Variants in NPSR1 observed in about 807,000 individuals in gnomAD.
NPSR1 encodes neuropeptide S receptor.
NPSR1 carries 48 observed loss-of-function variants against 46.9 expected under a neutral mutation model. The ratio of observed to expected loss-of-function variants is 1.02; its 90% CI spans 0.81 to 1.30. NPSR1 has a LOEUF of 1.30. NPSR1 is among the 50% of genes most tolerant of loss of function. The pLI, the probability that NPSR1 is intolerant of heterozygous loss-of-function variation, is 0.00. For missense variants in NPSR1, 450 were observed against 449.5 expected, an observed-to-expected ratio of 1.00 and a Z score of -0.01; for synonymous variants, 176 against 168.1, an observed-to-expected ratio of 1.05 and a Z score of -0.36.
rs536647098 is a variant in NPSR1, at chr7:34,669,345, T to A, written c.147+10786T>A. 5.9e-5 allele frequency among the ~76,000 whole-genome samples: 9 copies of A among 152,158 alleles called. No individual in the cohort carries two copies. In the South Asian group the frequency reaches 1.9e-3, roughly 32 times the overall value. On this transcript the variant is annotated intron_variant, in intron 1 of 8. Coordinates refer to ENST00000360581, the MANE Select transcript of NPSR1 (RefSeq NM_207172.2). ...TGGGAGATCAAAGCGGGTGGATCATTTGAGGTCAGGAGTTTGAGACCAGCC... is the reference window on the plus strand; with the variant it reads ...TGGGAGATCAAAGCGGGTGGATCATATGAGGTCAGGAGTTTGAGACCAGCC...
intron 3 of NPSR1, among the ~76,000 whole-genome samples, chr7:34,789,969 T>C (rs1787654521): frequency 6.6e-6 from 1 of 152,008 alleles, no homozygotes; most frequent in Admixed American, 6.6e-5. Context: ...AATAGCAATC[T>C]TTCTCAAAGT....
intron 4 of NPSR1, among the ~76,000 whole-genome samples, chr7:34,822,586 T>C (rs1011783007): frequency 5.3e-5 from 8 of 152,210 alleles, no homozygotes; most frequent in African/African-American, 1.9e-4. Flanking sequence ...AAATGTAATA[T>C]AAAACTTTGA....
intron 8 of NPSR1, among the ~76,000 whole-genome samples, chr7:34,855,916 A>G (rs1398134924): frequency 6.6e-6 from 1 of 152,148 alleles, no homozygotes; most frequent in Non-Finnish European, 1.5e-5. Flanking sequence ...CAATATATAA[A>G]CTCAACAGAT....
chr7:34,767,059 T>C (rs1048584879), intron 2 of NPSR1, among the ~76,000 whole-genome samples: 1 of 152,194 alleles, frequency 6.6e-6, no homozygotes, highest in Non-Finnish European at 1.5e-5. Flanking sequence ...GTAGAACTGT[T>C]CTCTATCCCG....
intron 3 of NPSR1, among the ~76,000 whole-genome samples, chr7:34,792,823 G>A (rs898746899): frequency 6.8e-6 from 1 of 146,976 alleles, no homozygotes; most frequent in African/African-American, 2.5e-5. Context: ...TGTCAAGGCT[G>A]CAGTGAGCCA....
intron 2 of NPSR1, chr7:34,723,465 A>G (rs1415651543): frequency 6.6e-6 from 1 of 152,454 alleles, no homozygotes; most frequent in Admixed American, 6.6e-5. Context: ...AAGAATTTGA[A>G]CAAAGCATCC....
intron 3 of NPSR1, among the ~76,000 whole-genome samples, chr7:34,784,498 A>C (rs1433721171): frequency 6.6e-6 from 1 of 151,876 alleles, no homozygotes; most frequent in Non-Finnish European, 1.5e-5. Context: ...ATTGATTTGC[A>C]TATATTGAAC....
intron 2 of NPSR1, chr7:34,728,720 A>G (rs1784280241): frequency 6.5e-6 from 1 of 152,702 alleles, no homozygotes; most frequent in African/African-American, 2.4e-5. Context: ...CTTCAGACCC[A>G]TGATAGCTAT....
At chr7:34,665,133 G>A (rs537648814) in intron 1 of NPSR1, among the ~76,000 whole-genome samples, 13 of 152,278 alleles carry the variant, frequency 8.5e-5, no homozygotes, top group African/African-American at 3.1e-4. Flanking sequence ...AGAAAGAAAA[G>A]AAAGAGAATT....
intron 2 of NPSR1, among the ~76,000 whole-genome samples, chr7:34,709,140 A>C (rs903513282): frequency 2.0e-5 from 3 of 152,066 alleles, no homozygotes. Context: ...TCTGTTCAAA[A>C]CACTTTTGAG....
chr7:34,824,282 A>C (rs1424757779), intron 4 of NPSR1, among the ~76,000 whole-genome samples: 2 of 152,256 alleles, frequency 1.3e-5, no homozygotes, highest in Non-Finnish European at 2.9e-5. Flanking sequence ...AATGAGTTAC[A>C]TGGAAAAGAG....
At chr7:34,681,500 C>T (rs1410606832) in intron 1 of NPSR1, among the ~76,000 whole-genome samples, 1 of 152,152 alleles carries the variant, frequency 6.6e-6, no homozygotes, top group Non-Finnish European at 1.5e-5. Context: ...AGTTTCTTCT[C>T]CCACGTGGAT....
At chr7:34,780,566 G>C (rs1787185612) in intron 3 of NPSR1, among the ~76,000 whole-genome samples, 1 of 152,118 alleles carries the variant, frequency 6.6e-6, no homozygotes, top group African/African-American at 2.4e-5. Context: ...CAATTACTCA[G>C]GGAGCATTTA....
At chr7:34,759,284 G>A (rs1322344776) in intron 2 of NPSR1, among the ~76,000 whole-genome samples, 1 of 152,086 alleles carries the variant, frequency 6.6e-6, no homozygotes, top group Non-Finnish European at 1.5e-5. Context: ...GTTTCCAAAT[G>A]ATGATTTTCT....
At chr7:34,809,226 T>C (rs1451898996) in intron 3 of NPSR1, among the ~76,000 whole-genome samples, 2 of 152,150 alleles carry the variant, frequency 1.3e-5, no homozygotes, top group Admixed American at 6.5e-5. Flanking sequence ...TTTGTCTAAG[T>C]AGACGATCGA....
At chr7:34,722,851 T>C (rs570048896) in intron 2 of NPSR1, among the ~76,000 whole-genome samples, 2 of 152,140 alleles carry the variant, frequency 1.3e-5, no homozygotes, top group Non-Finnish European at 2.9e-5. Context: ...TGGGAGGAGT[T>C]GGCAAGGCCT....
chr7:34,658,792 T>A (rs561223248), intron 1 of NPSR1, among the ~76,000 whole-genome samples: 51 of 152,334 alleles, frequency 3.3e-4, no homozygotes, highest in Non-Finnish European at 1.3e-4. Flanking sequence ...CTGCTGGAAA[T>A]GTGTGAATCG....
intron 2 of NPSR1, among the ~76,000 whole-genome samples, chr7:34,708,136 A>T (rs1188143968): frequency 6.6e-6 from 1 of 152,132 alleles, no homozygotes; most frequent in Non-Finnish European, 1.5e-5. Context: ...GGAGGTTAGG[A>T]CTTTAACATA....
Position 34,726,270 on chromosome 7 carries a change from C to G in NPSR1, c.280+41586C>G, listed in dbSNP as rs114220721. Among the ~76,000 whole-genome samples the G allele has an allele frequency of 2.8e-3, 427 of 152,278 alleles. 2 individuals carry two copies. Among genetic ancestry groups the G allele is most frequent in the African/African-American group, 9.8e-3 (408 of 41,542 alleles). On this transcript the variant is annotated intron_variant, in intron 2 of 8. Coordinates refer to ENST00000360581, the MANE Select transcript of NPSR1 (RefSeq NM_207172.2). ...GAACATATGAAAAGATGCTCCACAT[C>G]ATATGTCATCAGGGAATGCAAATTA... is the stretch of plus-strand genomic sequence containing the variant.
Sources: allele counts gnomAD v4.1 joint callset (sites outside exome capture counted in the v4.1 genomes callset), GRCh38; gene constraint gnomAD v4.1.1; transcripts MANE v1.5; gene names NCBI Gene and HGNC (gene_info 2026-07-23, HGNC 2026-07-21).